The following GOPC variants were observed in gnomAD, a reference collection of about 807,000 sequenced individuals.
GOPC encodes golgi associated PDZ and coiled-coil motif containing.
GOPC carries 32 observed loss-of-function variants against 51.2 expected under a neutral mutation model. That is an observed-to-expected ratio of 0.63 (90% CI 0.47 to 0.84). The LOEUF is 0.84. Among genes scored for constraint, GOPC ranks in the 40% least tolerant of loss-of-function variants. GOPC has a pLI of 0.00. For synonymous variants in GOPC, 190 were observed against 205.1 expected, an observed-to-expected ratio of 0.93 and a Z score of 0.63; for missense variants, 441 against 555.5, an observed-to-expected ratio of 0.79 and a Z score of 2.07.
Position 117,602,271 on chromosome 6 carries a change from T to A in GOPC, c.18A>T (p.Pro6=), listed in dbSNP as rs775471346. The A allele has an allele frequency of 6.3e-7, 1 of 1,591,514 alleles. No individual in the cohort carries two copies. Among genetic ancestry groups the A allele is most frequent in the Non-Finnish European group, 8.5e-7 (1 of 1,176,484 alleles). Residue 6 remains proline, a synonymous_variant, in exon 1 of 9, where the codon CCA becomes CCT. Coordinates refer to ENST00000368498, the MANE Select transcript of GOPC (RefSeq NM_020399.4). MSAGG[P]CPAAAGGGPG... The stretch of plus-strand genomic sequence containing the variant: ...GGCCCCCTCCGGCTGCTGCTGGGCA[T>A]GGACCGCCCGCCGACATGGCGCCGT...
chr6:117,573,458 CA>C lies in GOPC; in HGVS notation c.816+8del. 3 of 1,607,814 alleles carry C rather than the reference CA, an allele frequency of 1.9e-6. No individual in the cohort carries two copies. The highest frequency in any genetic ancestry group is 2.5e-6 in the Non-Finnish European group (3 of 1,176,706). On this transcript the variant is annotated splice_region_variant and intron_variant, in intron 5 of 8. Transcript: ENST00000368498. ...GGCTGGGTGGGAAGCAGCAGCAAAG[CA>C]AACATACATGGCCTGGTGGTGCTTG...
At chr6:117,563,662 C>T (rs1008031384) in intron 8 of GOPC, among the ~76,000 whole-genome samples, 8 of 151,312 alleles carry the variant, frequency 5.3e-5, no homozygotes, top group African/African-American at 1.9e-4. Flanking sequence ...GTGGAGGTTG[C>T]AGTGAGCTGA....
rs1779620325 is a variant in GOPC at position 117,563,153 on chromosome 6, C to A, written c.*101G>T. The A allele has an allele frequency of 8.9e-7, 1 of 1,126,204 alleles. No individual in the cohort carries two copies. 69.8% of individuals were successfully genotyped at this position (1,126,204 alleles called of 1,614,324 possible). ...AGGTACCCGCCTTTCATTTAGGCAA[C>A]AAACAGCCTCCCCTGATTTTGTAGT... On this transcript the variant is annotated 3_prime_UTR_variant, in exon 9 of 9. Coordinates refer to ENST00000368498, the MANE Select transcript of GOPC (RefSeq NM_020399.4).
chr6:117,586,728 G>A lies in GOPC; in HGVS notation c.286-7664C>T, dbSNP rs368051133. Among the ~76,000 whole-genome samples the A allele has an allele frequency of 5.7e-4, 87 of 151,944 alleles. 1 individual carries two copies. The South Asian group carries it at 0.017, about 30-fold the overall frequency. On this transcript the variant is annotated intron_variant, in intron 1 of 8. Coordinates refer to ENST00000368498, the MANE Select transcript of GOPC (RefSeq NM_020399.4). ...GATCTCCTGACCTCGTGATCCGCCC[G>A]CCTCAGCCTCCCAAAGTGCTAGGAA...
chr6:117,594,576 C>A (rs979479581), intron 1 of GOPC, among the ~76,000 whole-genome samples: 2 of 152,170 alleles, frequency 1.3e-5, no homozygotes, highest in Non-Finnish European at 2.9e-5. Context: ...CAGCATCTGG[C>A]ACATAATTCG....
At chr6:117,599,985 A>C (rs1007516778) in intron 1 of GOPC, among the ~76,000 whole-genome samples, 1 of 152,236 alleles carries the variant, frequency 6.6e-6, no homozygotes, top group Non-Finnish European at 1.5e-5. Flanking sequence ...TTGATACTGC[A>C]GTTGTAAATG....
chr6:117,595,467 G>A (rs1298922683), intron 1 of GOPC, among the ~76,000 whole-genome samples: 1 of 152,138 alleles, frequency 6.6e-6, no homozygotes, highest in Non-Finnish European at 1.5e-5. Flanking sequence ...ATTTAGTGGT[G>A]ATTTCTGAGA....
chr6:117,592,883 C>A (rs928977959), intron 1 of GOPC, among the ~76,000 whole-genome samples: 9 of 152,280 alleles, frequency 5.9e-5, no homozygotes, highest in Non-Finnish European at 1.2e-4. Flanking sequence ...CCTGTCAATT[C>A]TCCTTCCTTA....
chr6:117,597,961 T>A (rs2114631273), intron 1 of GOPC, among the ~76,000 whole-genome samples: 1 of 151,046 alleles, frequency 6.6e-6, no homozygotes, highest in Non-Finnish European at 1.5e-5. Context: ...AAGAATGAAA[T>A]CCTGCATTGA....
At chr6:117,580,692 T>C (rs1160871872) in intron 1 of GOPC, among the ~76,000 whole-genome samples, 1 of 152,184 alleles carries the variant, frequency 6.6e-6, no homozygotes, top group African/African-American at 2.4e-5. Flanking sequence ...AGTATATTCA[T>C]GAAGTTGTAC....
intron 3 of GOPC, among the ~76,000 whole-genome samples, chr6:117,575,927 G>T (rs1779875720): frequency 6.6e-6 from 1 of 152,122 alleles, no homozygotes; most frequent in South Asian, 2.1e-4. Context: ...TTGAGGAAAT[G>T]ATGAATAGTA....
At position 117,586,168 on chromosome 6, in the gene GOPC, C is replaced by T. The variant is rs17818079; in HGVS notation, c.286-7104G>A. Among the ~76,000 whole-genome samples the T allele has an allele frequency of 7.9e-3, 1,200 of 152,170 alleles. 11 individuals are homozygous for T. Among genetic ancestry groups the T allele is most frequent in the Non-Finnish European group, 0.013 (875 of 67,998 alleles). On this transcript the variant is annotated intron_variant, in intron 1 of 8. Transcript: ENST00000368498. ...CAATTATACCATTTAGTGTCAATAT[C>T]CCAAATTTATCATAGACATCCATCT...
At chr6:117,567,090 G>A in intron 7 of GOPC, 56 bp from the exon 8 acceptor site, 2 of 1,354,856 alleles carry the variant, frequency 1.5e-6, no homozygotes, top group South Asian at 1.5e-5. Context: ...AATTTAAAAA[G>A]GATTTCCAAA....
At chr6:117,597,588 G>A (rs953376887) in intron 1 of GOPC, among the ~76,000 whole-genome samples, 4 of 152,168 alleles carry the variant, frequency 2.6e-5, no homozygotes, top group African/African-American at 9.7e-5. Flanking sequence ...TGTGAGAGAT[G>A]TGAGCAATTT....
intron 1 of GOPC, among the ~76,000 whole-genome samples, chr6:117,589,162 C>A (rs527896211): frequency 1.3e-5 from 2 of 152,058 alleles, no homozygotes; most frequent in Non-Finnish European, 2.9e-5. Flanking sequence ...CCACAGGCTG[C>A]GGGTTAGACA....
chr6:117,590,387 A>G (rs576737970), intron 1 of GOPC, among the ~76,000 whole-genome samples: 2 of 152,166 alleles, frequency 1.3e-5, no homozygotes, highest in East Asian at 3.9e-4. Flanking sequence ...CCTGGGCAAC[A>G]TAGTGAGACC....
chr6:117,568,393 C>T (rs1183992508), intron 7 of GOPC, among the ~76,000 whole-genome samples: 2 of 152,146 alleles, frequency 1.3e-5, no homozygotes, highest in African/African-American at 4.8e-5. Flanking sequence ...CTCTTTGGTG[C>T]TCTTCTTTCC....
chr6:117,584,015 T>C (rs757952768), intron 1 of GOPC, among the ~76,000 whole-genome samples: 1 of 152,260 alleles, frequency 6.6e-6, no homozygotes, highest in Non-Finnish European at 1.5e-5. Context: ...TGTTCTGCTA[T>C]TAAATATATT....
At position 117,575,241 on chromosome 6, in the gene GOPC, GAACAGCTATATGT is replaced by G; in HGVS notation, c.573_585del (p.Arg191SerfsTer11). On this transcript the variant is annotated frameshift_variant, in exon 4 of 9. Coordinates refer to ENST00000368498, the MANE Select transcript of GOPC (RefSeq NM_020399.4). LOFTEE classifies it high-confidence loss of function. ...CTCGCCCCATATACTTCAGCCTGGA[GAACAGCTATATGT>G]CTACGAAGGGCTTCATTCTCTTTTC... 6.2e-7 allele frequency: 1 copy of G among 1,613,560 alleles called. No individual in the cohort carries two copies. Among genetic ancestry groups the G allele is most frequent in the Non-Finnish European group, 8.5e-7 (1 of 1,179,756 alleles).
Sources: gnomAD v4.1 joint callset for allele counts (sites outside exome capture counted in the v4.1 genomes callset) on GRCh38, gnomAD v4.1.1 for gene constraint, MANE v1.5 for transcripts, NCBI Gene and HGNC (gene_info 2026-07-23, HGNC 2026-07-21) for gene names.